The following KLHL32 variants were observed in gnomAD, a reference collection of about 807,000 sequenced individuals.
KLHL32 encodes the protein kelch-like protein 32.
A neutral mutation model predicts 64.8 loss-of-function variants in KLHL32; 35 were observed. The observed-to-expected ratio is 0.54, with a 90% CI of 0.41 to 0.72. The LOEUF is 0.72. Among genes scored for constraint, KLHL32 ranks in the 30% least tolerant of loss-of-function variants. The pLI, the probability that KLHL32 is intolerant of heterozygous loss-of-function variation, is 0.00. For missense variants in KLHL32, 589 were observed against 768.5 expected, an observed-to-expected ratio of 0.77 and a Z score of 2.76; for synonymous variants, 259 against 281.0, an observed-to-expected ratio of 0.92 and a Z score of 0.78.
At chr6:97,066,032 G>A (rs1011800809) in intron 5 of KLHL32, among the ~76,000 whole-genome samples, 19 of 151,880 alleles carry the variant, frequency 1.3e-4, no homozygotes, top group African/African-American at 3.6e-4. Context: ...ATATTGTTAC[G>A]TGGTATAGGA....
intron 3 of KLHL32, among the ~76,000 whole-genome samples, chr6:97,015,916 G>C (rs1042063929): frequency 6.6e-6 from 1 of 152,186 alleles, no homozygotes; most frequent in Non-Finnish European, 1.5e-5. Context: ...GTACAGCTCA[G>C]ACCATTGCTT....
intron 1 of KLHL32, among the ~76,000 whole-genome samples, chr6:96,937,109 G>T (rs1188136566): frequency 6.6e-6 from 1 of 151,528 alleles, no homozygotes. Flanking sequence ...TTCACCCATT[G>T]TAACTGTGTA....
intron 1 of KLHL32, among the ~76,000 whole-genome samples, chr6:96,951,472 T>C (rs1404221792): frequency 6.6e-6 from 1 of 152,148 alleles, no homozygotes; most frequent in Non-Finnish European, 1.5e-5. Context: ...GGCTGGGCCA[T>C]GTGGGGCATG....
Position 97,040,694 on chromosome 6 carries a change from A to T in KLHL32, c.205-798A>T, listed in dbSNP as rs566248853. Reference sequence around the variant, plus strand: ...TGTATCCCCACCCGAATCTCATCTTAAATTGTAATCCCCATAGTCCCTATA... The same window carrying T: ...TGTATCCCCACCCGAATCTCATCTTTAATTGTAATCCCCATAGTCCCTATA... On this transcript the variant is annotated intron_variant, in intron 3 of 10. Coordinates refer to ENST00000369261, the MANE Select transcript of KLHL32 (RefSeq NM_052904.4). Among the ~76,000 whole-genome samples, 7 of 152,248 alleles carry T rather than the reference A, an allele frequency of 4.6e-5. No homozygotes were observed. In the South Asian group the frequency reaches 1.5e-3, roughly 32 times the overall value.
intron 1 of KLHL32, among the ~76,000 whole-genome samples, chr6:96,942,404 T>C (rs920137709): frequency 5.3e-5 from 8 of 152,244 alleles, no homozygotes; most frequent in African/African-American, 1.9e-4. Context: ...CATGAAACCA[T>C]TCCTGATTAG....
chr6:97,128,669 C>T (rs544751468), intron 8 of KLHL32, among the ~76,000 whole-genome samples: 1 of 152,362 alleles, frequency 6.6e-6, no homozygotes, highest in East Asian at 1.9e-4. Context: ...TTGCTACCTG[C>T]CAACAGGCAG....
chr6:97,097,445 A>G (rs1795134838), intron 6 of KLHL32, among the ~76,000 whole-genome samples: 1 of 152,220 alleles, frequency 6.6e-6, no homozygotes, highest in South Asian at 2.1e-4. Flanking sequence ...CTTGCTGGCT[A>G]CACTGAGGTA....
In KLHL32 at chr6:97,100,966, C is replaced by CTTTTTTTTTTTTTTTTT. The variant is rs58422496; in HGVS notation, c.628-12812_628-12796dup. Among the ~76,000 whole-genome samples, 6 of 69,478 alleles carry CTTTTTTTTTTTTTTTTT rather than the reference C, an allele frequency of 8.6e-5. 1 individual carries two copies. The highest frequency in any genetic ancestry group is 2.1e-4 in the African/African-American group (3 of 14,102). 45.6% of individuals were successfully genotyped at this position (69,478 alleles called of 152,430 possible). On this transcript the variant is annotated intron_variant, in intron 6 of 10. Transcript: ENST00000369261. ...ACAGGCATGTGCCACTGCAGCCAAG[C>CTTTTTTTTTTTTTTTTT]TTTTTTTTTTTTTTTTTTTTTGGTA...
At chr6:97,025,596 C>T (rs906599245) in intron 3 of KLHL32, among the ~76,000 whole-genome samples, 6 of 152,192 alleles carry the variant, frequency 3.9e-5, no homozygotes, top group Non-Finnish European at 7.3e-5. Flanking sequence ...TAAGTCTAAA[C>T]ACAGCCTGAT....
chr6:96,972,423 A>C (rs1207209941), intron 2 of KLHL32, among the ~76,000 whole-genome samples: 1 of 152,154 alleles, frequency 6.6e-6, no homozygotes, highest in East Asian at 1.9e-4. Context: ...TTGATACAAC[A>C]CAATACAATA....
At chr6:96,899,367 AT>A in the KLHL32 span, among the ~76,000 whole-genome samples, 1 of 152,172 alleles carries the variant, frequency 6.6e-6, no homozygotes, top group Non-Finnish European at 1.5e-5. Context: ...CTGCCTCATT[AT>A]GTCTATGTGC....
intron 3 of KLHL32, among the ~76,000 whole-genome samples, chr6:97,010,557 G>A (rs896498583): frequency 2.0e-5 from 3 of 152,028 alleles, no homozygotes; most frequent in Non-Finnish European, 4.4e-5. Context: ...TTTAGATATT[G>A]AAGAATTTAT....
chr6:96,962,674 C>T (rs923709259), intron 1 of KLHL32, among the ~76,000 whole-genome samples: 1 of 152,088 alleles, frequency 6.6e-6, no homozygotes, highest in African/African-American at 2.4e-5. Context: ...AGAAGACACA[C>T]AATGATGTTT....
intron 3 of KLHL32, among the ~76,000 whole-genome samples, chr6:96,990,746 C>T (rs1777760269): frequency 6.6e-6 from 1 of 151,918 alleles, no homozygotes; most frequent in Non-Finnish European, 1.5e-5. Context: ...GTGTTATGGG[C>T]CCAAGCTGGG....
At chr6:97,100,892 T>C (rs543342705) in intron 6 of KLHL32, among the ~76,000 whole-genome samples, 18 of 133,260 alleles carry the variant, frequency 1.4e-4, no homozygotes, top group South Asian at 8.1e-4. Flanking sequence ...AGCTTCAAAC[T>C]CCCAGGCCTA....
intron 5 of KLHL32, among the ~76,000 whole-genome samples, chr6:97,080,781 A>C (rs549954606): frequency 6.6e-6 from 1 of 152,316 alleles, no homozygotes; most frequent in South Asian, 2.1e-4. Context: ...GCACATTATA[A>C]ACAAGTAGGC....
rs200214937 is a variant in KLHL32, at chr6:97,082,912, G to C, written c.412-2214G>C. Among the ~76,000 whole-genome samples the C allele has an allele frequency of 1.6e-4, 25 of 152,262 alleles. No homozygotes were observed. In the East Asian group the frequency reaches 4.8e-3, roughly 29 times the overall value. On this transcript the variant is annotated intron_variant, in intron 5 of 10. Coordinates refer to ENST00000369261, the MANE Select transcript of KLHL32 (RefSeq NM_052904.4). ...TTAAAGAGAACACATGCTTCATTTTGACCTCTTTGCATCAGTGATTAATCA... is the reference window on the plus strand; with the variant it reads ...TTAAAGAGAACACATGCTTCATTTTCACCTCTTTGCATCAGTGATTAATCA...
the KLHL32 span, among the ~76,000 whole-genome samples, chr6:96,902,884 G>C: frequency 5.9e-3 from 901 of 152,274 alleles, 22 homozygotes; most frequent in African/African-American, 0.021. Flanking sequence ...GTTTGTCAAA[G>C]ATCAAATGAT....
intron 3 of KLHL32, among the ~76,000 whole-genome samples, chr6:96,990,111 T>G (rs141439292): frequency 0.012 from 1,887 of 152,316 alleles, 39 homozygotes; most frequent in African/African-American, 0.043. Flanking sequence ...TTCAGCCTGG[T>G]TAAGAACACT....
Sources: gnomAD v4.1 joint callset for allele counts (sites outside exome capture counted in the v4.1 genomes callset) on GRCh38, gnomAD v4.1.1 for gene constraint, MANE v1.5 for transcripts, NCBI Gene and HGNC (gene_info 2026-07-23, HGNC 2026-07-21) for gene names.